MAP4K4: variants seen among roughly 807,000 people sequenced by gnomAD.
MAP4K4 encodes the protein HPK/GCK-like kinase HGK.
Under a neutral mutation model 189.6 loss-of-function variants are expected in MAP4K4, and 38 were observed. That is an observed-to-expected ratio of 0.20 (90% confidence interval 0.15 to 0.26). The LOEUF (loss-of-function observed/expected upper bound fraction) is 0.26. Ranked by LOEUF, MAP4K4 falls within the 10% of genes least tolerant of loss-of-function variation. MAP4K4 has a pLI of 1.00. For missense variants in MAP4K4, 1,054 were observed against 1,726.9 expected (o/e 0.61, Z 6.91); for synonymous variants, 610 against 624.3 (o/e 0.98, Z 0.34).
At chr2:101,702,202 G>A (rs1042918932) in intron 2 of MAP4K4, among the ~76,000 whole-genome samples, 1 of 152,132 alleles carries the variant, frequency 6.6e-6, no homozygotes, top group Non-Finnish European at 1.5e-5. Flanking sequence ...CCATTTTTGT[G>A]TTCTTGGGGT....
At chr2:101,779,749 G>T (rs1302898522) in intron 2 of MAP4K4, among the ~76,000 whole-genome samples, 1 of 152,024 alleles carries the variant, frequency 6.6e-6, no homozygotes. Flanking sequence ...TCTGGTAAGG[G>T]ATACTATCAC....
At chr2:101,793,043 T>G (rs147673796) in intron 3 of MAP4K4, among the ~76,000 whole-genome samples, 1 of 152,344 alleles carries the variant, frequency 6.6e-6, no homozygotes, top group East Asian at 1.9e-4. Context: ...TGGATGCTTT[T>G]GTATCCCACT....
At chr2:101,704,541 GTATATATA>G (rs1332013927) in intron 2 of MAP4K4, among the ~76,000 whole-genome samples, 4 of 80,476 alleles carry the variant, frequency 5.0e-5, no homozygotes, top group South Asian at 1.0e-3. Context: ...GTGTGTGTGT[GTATATATA>G]TATATATATA....
chr2:101,847,023 A>G (rs987619390), intron 12 of MAP4K4, among the ~76,000 whole-genome samples: 8 of 152,202 alleles, frequency 5.3e-5, no homozygotes, highest in South Asian at 2.1e-4. Context: ...TCCCTTCCAT[A>G]TATAGTCATA....
At chr2:101,729,101 A>AGAGAGTGTGTGTGTGTGTGT (rs149283961) in intron 2 of MAP4K4, among the ~76,000 whole-genome samples, 6 of 130,606 alleles carry the variant, frequency 4.6e-5, no homozygotes, top group African/African-American at 1.6e-4. Context: ...AGAGAGAGAG[A>AGAGAGTGTGTGTGTGTGTGT]GTGTGTGTGT....
intron 2 of MAP4K4, among the ~76,000 whole-genome samples, chr2:101,766,459 A>T (rs999515104): frequency 2.0e-5 from 3 of 152,124 alleles, no homozygotes; most frequent in Admixed American, 6.5e-5. Context: ...CCTGGCTCCC[A>T]GTCTTTGGGG....
At chr2:101,862,222 CAGAGTG>C (rs963213607) in intron 16 of MAP4K4, 1 of 113,492 alleles carries the variant, frequency 8.8e-6, no homozygotes, top group Non-Finnish European at 1.6e-5. Flanking sequence ...GCCTGAGTGA[CAGAGTG>C]AGACTCCATC....
intron 2 of MAP4K4, among the ~76,000 whole-genome samples, chr2:101,725,454 T>C (rs1016392637): frequency 2.0e-5 from 3 of 151,820 alleles, no homozygotes; most frequent in African/African-American, 7.3e-5. Context: ...TCTGAAATCA[T>C]TTACTCTTGT....
intron 12 of MAP4K4, among the ~76,000 whole-genome samples, chr2:101,847,969 C>T (rs1328709568): frequency 6.6e-6 from 1 of 152,134 alleles, no homozygotes; most frequent in African/African-American, 2.4e-5. Flanking sequence ...CAACTACTTA[C>T]CATTGTATTG....
At position 101,859,550 on chromosome 2, in the gene MAP4K4, T is replaced by A; in HGVS notation, c.1483-93T>A. Reference sequence around the variant, plus strand: ...TCTTACAAAACACAGAGGGAAAATATATGGTCACTTTTTTTAAAAGCCGAA... The same window carrying A: ...TCTTACAAAACACAGAGGGAAAATAAATGGTCACTTTTTTTAAAAGCCGAA... On this transcript the variant is annotated intron_variant, in intron 14 of 32. Transcript: ENST00000324219. 3 of 964,366 alleles carry A rather than the reference T, an allele frequency of 3.1e-6. No homozygotes were observed. In the South Asian group the frequency reaches 5.2e-5, roughly 17 times the overall value. The allele number at this position is 964,366 out of a possible 1,614,324, so 59.7% of individuals were successfully genotyped here. A position where few individuals can be genotyped will look rare whatever the true frequency, so the allele number is the denominator to read the frequency against.
intron 3 of MAP4K4, among the ~76,000 whole-genome samples, chr2:101,800,454 T>C (rs181691209): frequency 3.2e-4 from 49 of 152,360 alleles, no homozygotes; most frequent in Admixed American, 9.8e-4. Flanking sequence ...GCAAAAAATA[T>C]ATATAGTGTC....
chr2:101,867,527 C>G lies in MAP4K4; in HGVS notation c.2454+218C>G, dbSNP rs1577066021. 5.9e-6 allele frequency: 3 copies of G among 507,744 alleles called. No homozygotes were observed. In the East Asian group the frequency reaches 1.0e-4, roughly 17 times the overall value. The allele number at this position is 507,744 out of a possible 1,614,324, so 31.5% of individuals were successfully genotyped here. A position where few individuals can be genotyped will look rare whatever the true frequency, so the allele number is the denominator to read the frequency against. On this transcript the variant is annotated intron_variant, in intron 20 of 32. Coordinates refer to ENST00000324219, the Ensembl canonical transcript of MAP4K4. ...GTCTCAAGTGAGTAAAACCTTTTTT[C>G]TGTTGTTCCAGCCATACACTTGGTG...
chr2:101,864,494 G>A (rs1305149124), intron 17 of MAP4K4, among the ~76,000 whole-genome samples: 1 of 152,170 alleles, frequency 6.6e-6, no homozygotes, highest in East Asian at 1.9e-4. Context: ...TTAAACAAAG[G>A]AGCCCATGTC....
chr2:101,851,079 A>G (rs1340277893), intron 12 of MAP4K4, among the ~76,000 whole-genome samples: 1 of 152,206 alleles, frequency 6.6e-6, no homozygotes, highest in Non-Finnish European at 1.5e-5. Context: ...TATTTAGAAA[A>G]GTTTTTAGAA....
intron 32 of MAP4K4, 62 bp downstream of exon 32, chr2:101,888,997 A>C (rs1173517999): frequency 7.5e-7 from 1 of 1,337,144 alleles, no homozygotes; most frequent in Non-Finnish European, 1.0e-6. Context: ...CTTGTTTTCC[A>C]TGGAGTTTGA....
chr2:101,814,709 C>G (rs1196889930), intron 3 of MAP4K4, among the ~76,000 whole-genome samples: 2 of 152,152 alleles, frequency 1.3e-5, no homozygotes, highest in Non-Finnish European at 2.9e-5. Flanking sequence ...AGATAGCTTT[C>G]CAAGGAAAGA....
At chr2:101,773,932 A>G (rs895051631) in intron 2 of MAP4K4, among the ~76,000 whole-genome samples, 6 of 152,194 alleles carry the variant, frequency 3.9e-5, no homozygotes, top group African/African-American at 1.2e-4. Context: ...TCCATTGTGT[A>G]TAAGTACATT....
intron 2 of MAP4K4, among the ~76,000 whole-genome samples, chr2:101,724,090 C>T (rs1005970191): frequency 6.6e-6 from 1 of 152,126 alleles, no homozygotes; most frequent in African/African-American, 2.4e-5. Context: ...TTTGACATGT[C>T]TTTTTTTCTG....
At chr2:101,893,298 G>A (rs1265262476) in exon 33 of MAP4K4, 2 of 455,788 alleles carry the variant, frequency 4.4e-6, no homozygotes, top group Non-Finnish European at 8.8e-6. Context: ...AGTAAAAGAA[G>A]ATGGAAATGG....
Sources: allele counts gnomAD v4.1 joint callset (sites outside exome capture counted in the v4.1 genomes callset), GRCh38; gene constraint gnomAD v4.1.1; transcripts MANE v1.5; gene names NCBI Gene and HGNC (gene_info 2026-07-23, HGNC 2026-07-21).